Variants in PARD3 observed in about 807,000 individuals in gnomAD.
The protein encoded by PARD3 is partitioning defective 3 homolog.
A neutral mutation model predicts 155.4 loss-of-function variants in PARD3; 75 were observed. The ratio of observed to expected loss-of-function variants is 0.48; its 90% CI spans 0.40 to 0.58. PARD3 has a LOEUF of 0.58. PARD3 is among the 20% of genes least tolerant of loss of function. The pLI is 0.00. For synonymous variants in PARD3, 576 were observed against 610.5 expected (o/e 0.94, Z 0.83); for missense variants, 1,642 against 1,721.7 (o/e 0.95, Z 0.82).
chr10:34,725,986 T>C (rs745618587), intron 1 of PARD3, among the ~76,000 whole-genome samples: 2 of 152,204 alleles, frequency 1.3e-5, no homozygotes, highest in Admixed American at 6.5e-5. Flanking sequence ...GTCTTTAGAA[T>C]GCCATTTGGT....
intron 2 of PARD3, among the ~76,000 whole-genome samples, chr10:34,659,490 T>G (rs1053403531): frequency 1.3e-5 from 2 of 152,124 alleles, no homozygotes; most frequent in Non-Finnish European, 2.9e-5. Flanking sequence ...CCACTCACAT[T>G]GTAGCACCCA....
At chr10:34,162,622 T>C (rs947726999) in intron 22 of PARD3, among the ~76,000 whole-genome samples, 4 of 152,202 alleles carry the variant, frequency 2.6e-5, no homozygotes, top group African/African-American at 9.6e-5. Flanking sequence ...ACAACTGTGC[T>C]AGTAATAAAT....
At chr10:34,450,268 G>C in intron 5 of PARD3, 49 bp downstream of exon 5, 1 of 1,564,106 alleles carries the variant, frequency 6.4e-7, no homozygotes, top group Non-Finnish European at 8.7e-7. Flanking sequence ...TTGGGGTATG[G>C]GACAGGATGT....
intron 2 of PARD3, among the ~76,000 whole-genome samples, chr10:34,542,904 C>T (rs759682729): frequency 3.9e-5 from 6 of 152,074 alleles, no homozygotes; most frequent in Non-Finnish European, 8.8e-5. Context: ...TTTGTTTAAA[C>T]GTCACTATTT....
Position 34,730,332 on chromosome 10 carries a change from A to G in PARD3, c.121-33913T>C, listed in dbSNP as rs560386209. Among the ~76,000 whole-genome samples the G allele has an allele frequency of 2.0e-5, 3 of 152,278 alleles. No homozygotes were observed. In the South Asian group the frequency reaches 6.2e-4, roughly 32 times the overall value. On this transcript the variant is annotated intron_variant, in intron 1 of 24. Transcript: ENST00000374788. ...TTTTCCTAAAGGATAAATTAACCAG[A>G]CCTGGAAATTAATGAGTTTGCAGAT... is the stretch of plus-strand genomic sequence containing the variant.
intron 5 of PARD3, among the ~76,000 whole-genome samples, chr10:34,442,873 T>C (rs1323547916): frequency 6.6e-6 from 1 of 152,096 alleles, no homozygotes; most frequent in Non-Finnish European, 1.5e-5. Flanking sequence ...CCCAGCCTCT[T>C]AAAGATTAAA....
At chr10:34,417,492 T>C (rs1389151519) in intron 5 of PARD3, among the ~76,000 whole-genome samples, 1 of 152,188 alleles carries the variant, frequency 6.6e-6, no homozygotes. Context: ...TCTCTAATGA[T>C]TTTTTCTTAT....
At chr10:34,288,262 T>C (rs1032905428) in intron 20 of PARD3, among the ~76,000 whole-genome samples, 1 of 152,144 alleles carries the variant, frequency 6.6e-6, no homozygotes, top group Non-Finnish European at 1.5e-5. Flanking sequence ...AGAAACCATA[T>C]GTAAAACGTT....
At chr10:34,736,638 CTTTATTAATTAATTAATTTATTTA>C (rs2094918308) in intron 1 of PARD3, among the ~76,000 whole-genome samples, 1 of 136,446 alleles carries the variant, frequency 7.3e-6, no homozygotes, top group African/African-American at 2.9e-5. Context: ...AAATAGGTTA[CTTTATTAATTAATTAATTTATTTA>C]TTTATTTATT....
chr10:34,516,854 T>C (rs2081803452), intron 3 of PARD3, 125 bp downstream of exon 3: 1 of 870,820 alleles, frequency 1.1e-6, no homozygotes, highest in African/African-American at 1.7e-5. Flanking sequence ...TTTGCCTGGG[T>C]CCTAAACTTA....
At position 34,354,232 on chromosome 10, in the gene PARD3, G is replaced by T. The variant is rs564953783; in HGVS notation, c.2067+4915C>A. ...CTCTACTAAAAAATACAAAAAATTAGCTGGGCGTGGTGGTGGGCACCTGTA... is the reference window on the plus strand; with the variant it reads ...CTCTACTAAAAAATACAAAAAATTATCTGGGCGTGGTGGTGGGCACCTGTA... On this transcript the variant is annotated intron_variant, in intron 14 of 24. Coordinates refer to ENST00000374788, the MANE Select transcript of PARD3 (RefSeq NM_001184785.2). Among the ~76,000 whole-genome samples the T allele has an allele frequency of 7.2e-5, 11 of 151,994 alleles. No homozygotes were observed. The East Asian group carries it at 1.9e-3, about 27-fold the overall frequency.
At position 34,636,250 on chromosome 10, in the gene PARD3, A is replaced by G. The variant is rs1414175506; in HGVS notation, c.222+60068T>C. Among the ~76,000 whole-genome samples, 3 of 152,024 alleles carry G rather than the reference A, an allele frequency of 2.0e-5. No homozygotes were observed. The East Asian group carries it at 5.8e-4, about 29-fold the overall frequency. The stretch of plus-strand genomic sequence containing the variant: ...AGCACTCCCTGTACACCTGCAGACA[A>G]ACCCTCCCCTGCAATCCACGGAGAC... On this transcript the variant is annotated intron_variant, in intron 2 of 24. Transcript: ENST00000374788.
chr10:34,606,014 C>CTA (rs1308340625), intron 2 of PARD3, among the ~76,000 whole-genome samples: 17 of 110,768 alleles, frequency 1.5e-4, no homozygotes, highest in African/African-American at 6.0e-4. Context: ...TATATATCTC[C>CTA]TATATCTATA....
chr10:34,741,699 T>C (rs1000418671), intron 1 of PARD3, among the ~76,000 whole-genome samples: 2 of 152,210 alleles, frequency 1.3e-5, no homozygotes, highest in Non-Finnish European at 2.9e-5. Context: ...TGATACCTGC[T>C]TCTGTGGAGC....
chr10:34,495,512 T>A (rs1405523833), intron 3 of PARD3, among the ~76,000 whole-genome samples: 1 of 152,070 alleles, frequency 6.6e-6, no homozygotes, highest in African/African-American at 2.4e-5. Context: ...GCTCCTGATG[T>A]TAACTTACTT....
intron 2 of PARD3, among the ~76,000 whole-genome samples, chr10:34,614,732 C>T (rs898011103): frequency 6.6e-6 from 1 of 152,082 alleles, no homozygotes; most frequent in African/African-American, 2.4e-5. Context: ...ATCTACAGAT[C>T]GAATGCATCC....
chr10:34,519,194 TGGAGTG>T (rs1201398293), intron 2 of PARD3, among the ~76,000 whole-genome samples: 1 of 152,020 alleles, frequency 6.6e-6, no homozygotes, highest in Non-Finnish European at 1.5e-5. Flanking sequence ...GAGAACTACA[TGGAGTG>T]GGAGGATAGA....
At chr10:34,181,847 C>T (rs1274467) in intron 22 of PARD3, among the ~76,000 whole-genome samples, 85,349 of 151,814 alleles carry the variant, frequency 0.56, 24,442 homozygotes, top group African/African-American at 0.65. Flanking sequence ...ATGCCTCCAA[C>T]AAAGACACAG....
At chr10:34,355,039 G>A (rs915660615) in intron 14 of PARD3, among the ~76,000 whole-genome samples, 2 of 152,170 alleles carry the variant, frequency 1.3e-5, no homozygotes, top group African/African-American at 4.8e-5. Context: ...AGCGGCTAAA[G>A]GAAGAGAGAT....
Sources: allele counts gnomAD v4.1 joint callset (sites outside exome capture counted in the v4.1 genomes callset), GRCh38; gene constraint gnomAD v4.1.1; transcripts MANE v1.5; gene names NCBI Gene and HGNC (gene_info 2026-07-23, HGNC 2026-07-21).